Variants in TMEM272 observed in about 807,000 individuals in gnomAD.
TMEM272 encodes long intergenic non-protein coding RNA 282.
TMEM272 carries 8 observed loss-of-function variants against 3.7 expected under a neutral mutation model. The observed-to-expected ratio is 2.17, with a 90% CI of 1.27 to 3.91. The LOEUF is 3.91. Ranked by LOEUF, TMEM272 falls within the 30% of genes most tolerant of loss-of-function variation. The pLI is 0.00. For synonymous variants in TMEM272, 63 were observed against 39.8 expected (o/e 1.58, Z -2.20); for missense variants, 166 against 91.5 (o/e 1.81, Z -3.32).
chr13:51,833,973 T>A (rs1956194194), intron 2 of TMEM272, among the ~76,000 whole-genome samples: 1 of 152,086 alleles, frequency 6.6e-6, no homozygotes, highest in African/African-American at 2.4e-5. Context: ...AACCTTGGGT[T>A]GGTGGCCCCT....
At chr13:51,917,758 T>C in the TMEM272 span, among the ~76,000 whole-genome samples, 2 of 152,184 alleles carry the variant, frequency 1.3e-5, no homozygotes, top group South Asian at 2.1e-4. Context: ...TTAAACGAGA[T>C]GACAAAAGTG....
rs1955985651 is a variant in TMEM272, at chr13:51,813,410, A to G, written c.*3341T>C. On this transcript the variant is annotated 3_prime_UTR_variant, in exon 5 of 5. Coordinates refer to ENST00000629372, the MANE Select transcript of TMEM272 (RefSeq NM_001351003.2). ...TGCCCAGAAGGAAATGAAGCACAAG[A>G]TTCAGTTACACAAAGATGAAAGCTA... 1 of 396,986 alleles carries G rather than the reference A, an allele frequency of 2.5e-6. No individual in the cohort carries two copies. Among genetic ancestry groups the G allele is most frequent in the African/African-American group, 2.1e-5 (1 of 48,606 alleles). 24.6% of individuals were successfully genotyped at this position (396,986 alleles called of 1,614,324 possible).
chr13:51,902,270 C>T, the TMEM272 span, among the ~76,000 whole-genome samples: 1 of 152,162 alleles, frequency 6.6e-6, no homozygotes, highest in African/African-American at 2.4e-5. Flanking sequence ...CAGTGTGGGA[C>T]TGAAGGGGTG....
the TMEM272 span, among the ~76,000 whole-genome samples, chr13:51,872,968 CAG>C: frequency 6.6e-6 from 1 of 152,178 alleles, no homozygotes; most frequent in African/African-American, 2.4e-5. Flanking sequence ...TTAAGCAAGA[CAG>C]GGGTAGAGGT....
At chr13:51,901,260 G>A in the TMEM272 span, among the ~76,000 whole-genome samples, 4 of 152,196 alleles carry the variant, frequency 2.6e-5, no homozygotes, top group African/African-American at 9.6e-5. Context: ...AATGAAGCAC[G>A]GTTCCTGAGT....
chr13:51,888,887 C>T, the TMEM272 span, among the ~76,000 whole-genome samples: 1 of 152,078 alleles, frequency 6.6e-6, no homozygotes, highest in Non-Finnish European at 1.5e-5. Flanking sequence ...CCTCGTGATC[C>T]ACCCAGCTCA....
chr13:51,907,231 G>A, the TMEM272 span, among the ~76,000 whole-genome samples: 1 of 152,188 alleles, frequency 6.6e-6, no homozygotes, highest in Non-Finnish European at 1.5e-5. Flanking sequence ...TTCATGAGAG[G>A]CCACATGAAG....
At chr13:51,905,508 A>G in the TMEM272 span, among the ~76,000 whole-genome samples, 1 of 152,194 alleles carries the variant, frequency 6.6e-6, no homozygotes. Flanking sequence ...GCTTTCTAGC[A>G]TGCCAGGTCC....
At chr13:51,846,233 G>A (rs1428238712), upstream of TMEM272, among the ~76,000 whole-genome samples, 1 of 152,172 alleles carries the variant, frequency 6.6e-6, no homozygotes, top group Non-Finnish European at 1.5e-5. Flanking sequence ...GCCTGCTAGA[G>A]GAAAGGACAT....
the TMEM272 span, among the ~76,000 whole-genome samples, chr13:51,877,679 T>C: frequency 6.6e-6 from 1 of 152,210 alleles, no homozygotes; most frequent in African/African-American, 2.4e-5. Flanking sequence ...TTCTTACCAA[T>C]TTGTATGAAG....
At chr13:51,910,186 G>C in the TMEM272 span, 2 of 1,107,580 alleles carry the variant, frequency 1.8e-6, no homozygotes, top group Admixed American at 1.7e-5. Context: ...TCTAGACAGA[G>C]TATTTCATGC....
At chr13:51,847,849 G>C (rs1177395716), upstream of TMEM272, among the ~76,000 whole-genome samples, 1 of 152,158 alleles carries the variant, frequency 6.6e-6, no homozygotes, top group African/African-American at 2.4e-5. Flanking sequence ...CAGTCTTCCT[G>C]GGAGTTCAGG....
rs1240452821 is a variant in TMEM272, at chr13:51,813,758, A to G, written c.*2993T>C. The G allele has an allele frequency of 6.5e-6, 1 of 153,822 alleles. No individual in the cohort carries two copies. The highest frequency in any genetic ancestry group is 1.9e-4 in the East Asian group (1 of 5,240). 9.5% of individuals were successfully genotyped at this position (153,822 alleles called of 1,614,324 possible). On this transcript the variant is annotated 3_prime_UTR_variant, in exon 5 of 5. Transcript: ENST00000629372. ...CCCACTTTTACTGCTTTCAACTGTCATTTATATAGATTCAGGCAAAGAATG... is the reference window on the plus strand; with the variant it reads ...CCCACTTTTACTGCTTTCAACTGTCGTTTATATAGATTCAGGCAAAGAATG...
the TMEM272 span, among the ~76,000 whole-genome samples, chr13:51,900,461 C>T: frequency 6.6e-6 from 1 of 152,068 alleles, no homozygotes; most frequent in African/African-American, 2.4e-5. Context: ...AAAAGACAGA[C>T]AATAACAGTG....
the TMEM272 span, among the ~76,000 whole-genome samples, chr13:51,894,354 C>T: frequency 2.0e-5 from 3 of 152,278 alleles, no homozygotes; most frequent in African/African-American, 4.8e-5. Flanking sequence ...ACTGGGACAT[C>T]AGCACAGGAA....
chr13:51,908,438 A>G, the TMEM272 span: 1 of 1,511,448 alleles, frequency 6.6e-7, no homozygotes, highest in Non-Finnish European at 9.2e-7. Context: ...AATAATCTGG[A>G]GAAGCTCCAA....
At chr13:51,872,480 T>C in the TMEM272 span, among the ~76,000 whole-genome samples, 423 of 151,928 alleles carry the variant, frequency 2.8e-3, 3 homozygotes, top group South Asian at 5.8e-3. Flanking sequence ...GAAAAGAACA[T>C]AGGGGAAGAC....
chr13:51,862,049 T>C, the TMEM272 span: 1 of 152,246 alleles, frequency 6.6e-6, no homozygotes, highest in Non-Finnish European at 1.5e-5. Context: ...AAGTCTTTTA[T>C]AGGGGTCCCC....
At chr13:51,831,505 C>G (rs978424265) in intron 2 of TMEM272, among the ~76,000 whole-genome samples, 1 of 152,210 alleles carries the variant, frequency 6.6e-6, no homozygotes, top group East Asian at 1.9e-4. Flanking sequence ...GGGCTTCCTA[C>G]AGCTGTCTGC....
Sources: allele counts gnomAD v4.1 joint callset (sites outside exome capture counted in the v4.1 genomes callset), GRCh38; gene constraint gnomAD v4.1.1; transcripts MANE v1.5; gene names NCBI Gene and HGNC (gene_info 2026-07-23, HGNC 2026-07-21).